The following EDIL3 variants were observed in gnomAD, a reference collection of about 807,000 sequenced individuals.
EDIL3 encodes EGF-like repeat and discoidin I-like domain-containing protein 3.
In EDIL3, 37 loss-of-function variants were observed where a neutral mutation model predicts 67.4. That is an observed-to-expected ratio of 0.55 (90% CI 0.42 to 0.72). EDIL3 has a LOEUF of 0.72. Among genes scored for constraint, EDIL3 ranks in the 30% least tolerant of loss-of-function variants. The probability of loss-of-function intolerance (pLI) is 0.00; values close to 1 mark genes in which losing one functional copy is unlikely to be tolerated. For missense variants in EDIL3, 527 were observed against 586.3 expected, an observed-to-expected ratio of 0.90 and a Z score of 1.04; for synonymous variants, 195 against 196.3, an observed-to-expected ratio of 0.99 and a Z score of 0.05.
chr5:84,374,363 C>T (rs760415721), intron 1 of EDIL3, among the ~76,000 whole-genome samples: 3 of 152,124 alleles, frequency 2.0e-5, no homozygotes, highest in Non-Finnish European at 2.9e-5. Context: ...ATCTCAAGTC[C>T]TTATCTGTTA....
chr5:84,040,141 A>G (rs1333914055), intron 9 of EDIL3, among the ~76,000 whole-genome samples: 1 of 152,206 alleles, frequency 6.6e-6, no homozygotes, highest in East Asian at 1.9e-4. Context: ...TGAACCCAGA[A>G]GGTCCTGTTA....
intron 1 of EDIL3, among the ~76,000 whole-genome samples, chr5:84,330,180 T>G (rs912274135): frequency 6.6e-6 from 1 of 152,158 alleles, no homozygotes; most frequent in Non-Finnish European, 1.5e-5. Flanking sequence ...CTAACATTGT[T>G]TTTTAGAAAA....
chr5:84,273,217 C>T (rs1745510834), intron 1 of EDIL3, among the ~76,000 whole-genome samples: 1 of 152,146 alleles, frequency 6.6e-6, no homozygotes, highest in African/African-American at 2.4e-5. Flanking sequence ...CATTTCGGCC[C>T]TCAATGTACA....
At chr5:83,996,669 A>G (rs1449166238) in intron 9 of EDIL3, among the ~76,000 whole-genome samples, 2 of 152,186 alleles carry the variant, frequency 1.3e-5, no homozygotes, top group Non-Finnish European at 2.9e-5. Context: ...GGAAGTAACA[A>G]TGCAAGGTAA....
chr5:83,983,428 G>T (rs999078268), intron 9 of EDIL3, among the ~76,000 whole-genome samples: 5 of 152,012 alleles, frequency 3.3e-5, no homozygotes, highest in African/African-American at 9.7e-5. Context: ...AATATAGCAA[G>T]ATCAATTTTT....
intron 3 of EDIL3, among the ~76,000 whole-genome samples, chr5:84,190,537 A>G: frequency 9.7e-6 from 1 of 102,706 alleles, no homozygotes. Context: ...GTATTTCTAC[A>G]TATATATATA....
intron 1 of EDIL3, among the ~76,000 whole-genome samples, chr5:84,302,216 T>G (rs2112131568): frequency 6.7e-6 from 1 of 149,966 alleles, no homozygotes; most frequent in Admixed American, 6.6e-5. Context: ...GTTTTATTGC[T>G]TTTTTTTCTG....
intron 9 of EDIL3, among the ~76,000 whole-genome samples, chr5:84,049,938 G>T (rs898338546): frequency 6.6e-6 from 1 of 152,008 alleles, no homozygotes; most frequent in Admixed American, 6.5e-5. Context: ...GGTGGCTCAC[G>T]CCTGTAATCC....
chr5:84,055,629 C>T (rs1746430438), intron 9 of EDIL3, among the ~76,000 whole-genome samples: 1 of 151,934 alleles, frequency 6.6e-6, no homozygotes. Context: ...ACAAACAACC[C>T]CATCAAAAAG....
chr5:83,980,437 A>G (rs1343634518), intron 9 of EDIL3, among the ~76,000 whole-genome samples: 1 of 151,826 alleles, frequency 6.6e-6, no homozygotes, highest in Non-Finnish European at 1.5e-5. Context: ...AAATCCCTGT[A>G]ATCCCAGTAC....
At chr5:84,146,544 G>T (rs1398786132) in intron 4 of EDIL3, among the ~76,000 whole-genome samples, 1 of 152,066 alleles carries the variant, frequency 6.6e-6, no homozygotes, top group Non-Finnish European at 1.5e-5. Flanking sequence ...CTAGGTTAAA[G>T]ACTCCAGTCC....
chr5:84,060,159 G>A, intron 9 of EDIL3, 141 bp downstream of exon 9: 1 of 1,019,250 alleles, frequency 9.8e-7, no homozygotes. Flanking sequence ...AGGAATTTGT[G>A]TTTTACCAAT....
At chr5:84,269,831 C>T (rs1328360459) in intron 1 of EDIL3, among the ~76,000 whole-genome samples, 7 of 152,278 alleles carry the variant, frequency 4.6e-5, no homozygotes, top group Non-Finnish European at 1.5e-5. Context: ...TTCCAAACTA[C>T]CTGGCCTGCC....
chr5:83,950,940 T>C (rs1040213536), intron 10 of EDIL3, among the ~76,000 whole-genome samples: 1 of 151,770 alleles, frequency 6.6e-6, no homozygotes, highest in African/African-American at 2.4e-5. Flanking sequence ...TTCTGCACCA[T>C]AATTCATATT....
intron 4 of EDIL3, among the ~76,000 whole-genome samples, chr5:84,138,205 C>T (rs895235547): frequency 3.3e-5 from 5 of 152,218 alleles, no homozygotes; most frequent in African/African-American, 7.2e-5. Flanking sequence ...CCCATCTCTT[C>T]CTCATCCTAT....
At chr5:84,075,461 G>T (rs1746834102) in intron 6 of EDIL3, among the ~76,000 whole-genome samples, 1 of 151,806 alleles carries the variant, frequency 6.6e-6, no homozygotes, top group Non-Finnish European at 1.5e-5. Context: ...TTTGACAGGG[G>T]CTTCTTCTTC....
At chr5:84,370,307 T>C (rs1747817868) in intron 1 of EDIL3, among the ~76,000 whole-genome samples, 1 of 152,198 alleles carries the variant, frequency 6.6e-6, no homozygotes, top group Admixed American at 6.6e-5. Flanking sequence ...GTTTAGAAGG[T>C]TCTCAGCTCC....
chr5:83,949,949 C>A (rs1744389209), intron 10 of EDIL3, among the ~76,000 whole-genome samples: 1 of 151,750 alleles, frequency 6.6e-6, no homozygotes, highest in African/African-American at 2.4e-5. Context: ...TCAGCTTGAC[C>A]ACTGAAAAGG....
At chr5:84,191,647 G>A (rs930633737) in intron 3 of EDIL3, among the ~76,000 whole-genome samples, 1 of 151,998 alleles carries the variant, frequency 6.6e-6, no homozygotes, top group East Asian at 1.9e-4. Context: ...CATAATGACT[G>A]CTTATAATCA....
Sources: allele counts gnomAD v4.1 joint callset (sites outside exome capture counted in the v4.1 genomes callset), GRCh38; gene constraint gnomAD v4.1.1; transcripts MANE v1.5; gene names NCBI Gene and HGNC (gene_info 2026-07-23, HGNC 2026-07-21).